Variants in NFIA observed in about 807,000 individuals in gnomAD.
NFIA encodes nuclear factor I A, also known as nuclear factor 1 A-type.
A neutral mutation model predicts 62.8 loss-of-function variants in NFIA; 8 were observed. The observed-to-expected ratio is 0.13, with a 90% CI of 0.07 to 0.23. NFIA has a LOEUF of 0.23. Ranked by LOEUF, NFIA falls within the 10% of genes least tolerant of loss-of-function variation. The pLI, the probability that NFIA is intolerant of heterozygous loss-of-function variation, is 1.00. For missense variants in NFIA, 410 were observed against 642.1 expected (o/e 0.64, Z 3.91); for synonymous variants, 235 against 238.1 (o/e 0.99, Z 0.12).
At chr1:61,197,342 G>A (rs1393851256) in intron 2 of NFIA, among the ~76,000 whole-genome samples, 1 of 148,736 alleles carries the variant, frequency 6.7e-6, no homozygotes, top group Non-Finnish European at 1.5e-5. Flanking sequence ...GGGTTCAAGC[G>A]ATTCTTCTGC....
At chr1:61,209,515 A>C (rs1225273742) in intron 2 of NFIA, among the ~76,000 whole-genome samples, 1 of 152,120 alleles carries the variant, frequency 6.6e-6, no homozygotes, top group Middle Eastern at 3.2e-3. Context: ...AAAGTTTTTT[A>C]ATTATAAAAA....
chr1:61,404,923 A>G (rs1665743318), intron 8 of NFIA, among the ~76,000 whole-genome samples: 2 of 152,242 alleles, frequency 1.3e-5, no homozygotes, highest in South Asian at 4.1e-4. Flanking sequence ...ATGGCATTCC[A>G]AATGTAAAAG....
chr1:61,200,683 T>C (rs1349656266), intron 2 of NFIA, among the ~76,000 whole-genome samples: 1 of 152,186 alleles, frequency 6.6e-6, no homozygotes, highest in Non-Finnish European at 1.5e-5. Flanking sequence ...TAGAGTTGTT[T>C]ACCTATTCAG....
intron 2 of NFIA, among the ~76,000 whole-genome samples, chr1:61,138,994 A>G (rs1647302780): frequency 6.6e-6 from 1 of 151,830 alleles, no homozygotes; most frequent in Non-Finnish European, 1.5e-5. Context: ...GATCGAGACC[A>G]GCCTGGCCAA....
chr1:61,227,296 T>C (rs1450680103), intron 2 of NFIA, among the ~76,000 whole-genome samples: 2 of 152,244 alleles, frequency 1.3e-5, no homozygotes, highest in Non-Finnish European at 2.9e-5. Flanking sequence ...CGTTTGTTCA[T>C]TTGATTTTCC....
In NFIA at chr1:61,459,509, T is replaced by TA. The variant is rs1668446523; in HGVS notation, c.*4190dup. On this transcript the variant is annotated 3_prime_UTR_variant, in exon 11 of 11. Transcript: ENST00000403491. ...TGTCTTCACACCCTGGCATGACAGT[T>TA]ACGTGTGGTCAGCCCGCTCCCCAGG... 1 of 152,320 alleles carries TA rather than the reference T, an allele frequency of 6.6e-6. No individual in the cohort carries two copies. The highest frequency in any genetic ancestry group is 1.5e-5 in the Non-Finnish European group (1 of 68,150). 9.4% of individuals were successfully genotyped at this position (152,320 alleles called of 1,614,324 possible). A position where few individuals can be genotyped will look rare whatever the true frequency, so the allele number is the denominator to read the frequency against.
At chr1:61,361,828 C>T (rs1200251833) in intron 6 of NFIA, among the ~76,000 whole-genome samples, 9 of 125,668 alleles carry the variant, frequency 7.2e-5, no homozygotes, top group South Asian at 5.3e-4. Flanking sequence ...TGTGTGTGTA[C>T]GTACACATAT....
intron 2 of NFIA, among the ~76,000 whole-genome samples, chr1:61,177,122 G>GA (rs1396108634): frequency 6.6e-6 from 1 of 151,658 alleles, no homozygotes; most frequent in East Asian, 1.9e-4. Flanking sequence ...AAAAAAAAAA[G>GA]AGAGAGATAC....
chr1:61,230,865 A>G (rs1654632583), intron 2 of NFIA, among the ~76,000 whole-genome samples: 1 of 152,148 alleles, frequency 6.6e-6, no homozygotes, highest in African/African-American at 2.4e-5. Flanking sequence ...TGGTTTCTCT[A>G]CAGGACACTC....
At chr1:61,418,701 T>C (rs1409718394) in intron 9 of NFIA, among the ~76,000 whole-genome samples, 1 of 152,228 alleles carries the variant, frequency 6.6e-6, no homozygotes, top group Non-Finnish European at 1.5e-5. Flanking sequence ...TATAAGTTGG[T>C]TCCAATTTGT....
chr1:61,214,690 G>C (rs1199222640), intron 2 of NFIA, among the ~76,000 whole-genome samples: 1 of 152,142 alleles, frequency 6.6e-6, no homozygotes, highest in East Asian at 1.9e-4. Flanking sequence ...CAGTCCCCTT[G>C]CTTTCACCTC....
At chr1:61,083,786 C>A (rs1375135166) in intron 1 of NFIA, among the ~76,000 whole-genome samples, 3 of 151,586 alleles carry the variant, frequency 2.0e-5, no homozygotes, top group Admixed American at 6.6e-5. Context: ...CCACCACCAC[C>A]GCCACCGCGC....
At chr1:61,331,995 T>C (rs1395491517) in intron 3 of NFIA, among the ~76,000 whole-genome samples, 1 of 152,150 alleles carries the variant, frequency 6.6e-6, no homozygotes, top group Non-Finnish European at 1.5e-5. Context: ...TTTTGTGAGT[T>C]GGGGCTTGCT....
At chr1:61,206,772 T>C (rs1017090097) in intron 2 of NFIA, among the ~76,000 whole-genome samples, 5 of 152,198 alleles carry the variant, frequency 3.3e-5, no homozygotes, top group Non-Finnish European at 7.3e-5. Flanking sequence ...CTTTTCCTCT[T>C]TTTCTTTCAG....
chr1:61,118,698 GTGTGTGTGTGTA>G (rs1341645406), intron 2 of NFIA, among the ~76,000 whole-genome samples: 1,680 of 143,114 alleles, frequency 0.012, 18 homozygotes, highest in Middle Eastern at 0.064. Flanking sequence ...GTGTGTGTGT[GTGTGTGTGTGTA>G]CCAGAGACTG....
At chr1:61,111,641 G>C (rs560667567) in intron 2 of NFIA, among the ~76,000 whole-genome samples, 1 of 152,198 alleles carries the variant, frequency 6.6e-6, no homozygotes, top group South Asian at 2.1e-4. Context: ...ATTGAACCCT[G>C]GTGTAGATGT....
chr1:61,203,932 T>C (rs531522058), intron 2 of NFIA, among the ~76,000 whole-genome samples: 1 of 152,330 alleles, frequency 6.6e-6, no homozygotes, highest in South Asian at 2.1e-4. Context: ...ATGGGAGAGC[T>C]TAACCCCATA....
chr1:61,264,689 C>T (rs911015592), intron 2 of NFIA, among the ~76,000 whole-genome samples: 7 of 148,714 alleles, frequency 4.7e-5, no homozygotes, highest in South Asian at 2.1e-4. Context: ...AAGGATTTCC[C>T]GAAGGTAGTT....
intron 2 of NFIA, among the ~76,000 whole-genome samples, chr1:61,257,407 G>A (rs61770510): frequency 0.25 from 34,954 of 138,370 alleles, 4,705 homozygotes; most frequent in East Asian, 0.42. Flanking sequence ...GCATGATCTT[G>A]GCTCATTGCA....
Sources: allele counts gnomAD v4.1 joint callset (sites outside exome capture counted in the v4.1 genomes callset), GRCh38; gene constraint gnomAD v4.1.1; transcripts MANE v1.5; gene names NCBI Gene and HGNC (gene_info 2026-07-23, HGNC 2026-07-21).